Variants in CFTR observed in about 807,000 individuals in gnomAD.
CFTR encodes CF transmembrane conductance regulator, also known as cystic fibrosis transmembrane conductance regulator.
CFTR carries 181 observed loss-of-function variants against 171.6 expected under a neutral mutation model. The ratio of observed to expected loss-of-function variants is 1.05; its 90% CI spans 0.93 to 1.19. CFTR has a LOEUF of 1.19. Ranked by LOEUF, CFTR falls within the 50% of genes most tolerant of loss-of-function variation. CFTR has a pLI of 0.00. For synonymous variants in CFTR, 583 were observed against 608.0 expected, an observed-to-expected ratio of 0.96 and a Z score of 0.60; for missense variants, 1,968 against 1,734.7, an observed-to-expected ratio of 1.13 and a Z score of -2.39.
At chr7:117,603,414 G>A (rs2116060747) in intron 16 of CFTR, 118 bp from the exon 17 acceptor site, 1 of 1,088,160 alleles carries the variant, frequency 9.2e-7, no homozygotes, top group Non-Finnish European at 1.4e-6. Context: ...AAGGGTGCAT[G>A]CTCTTCTAAT....
chr7:117,519,175 G>T lies in CFTR; in HGVS notation c.273+10033G>T, dbSNP rs759951262. Among the ~76,000 whole-genome samples the T allele has an allele frequency of 5.9e-5, 9 of 152,150 alleles. No homozygotes were observed. The Middle Eastern group carries it at 0.014, about 230-fold the overall frequency. On this transcript the variant is annotated intron_variant, in intron 3 of 26. Transcript: ENST00000003084. ...TTTCTGAGATTCTGTTCTAGGTGTGGTATATGTGTATTTTTGCAAAAACTA... is the reference window on the plus strand; with the variant it reads ...TTTCTGAGATTCTGTTCTAGGTGTGTTATATGTGTATTTTTGCAAAAACTA...
chr7:117,515,217 T>C (rs1418648568), intron 3 of CFTR, among the ~76,000 whole-genome samples: 1 of 152,202 alleles, frequency 6.6e-6, no homozygotes, highest in Admixed American at 6.5e-5. Flanking sequence ...CCTCGTGAAG[T>C]CTTTGCCCGT....
chr7:117,480,276 A>C (rs1418970820), intron 1 of CFTR, 129 bp downstream of exon 1: 1 of 838,898 alleles, frequency 1.2e-6, no homozygotes, highest in Non-Finnish European at 2.0e-6. Flanking sequence ...CATTGTTTTG[A>C]AAGAAAATGT....
At chr7:117,579,101 T>A (rs1206504605) in intron 11 of CFTR, among the ~76,000 whole-genome samples, 1 of 152,182 alleles carries the variant, frequency 6.6e-6, no homozygotes, top group East Asian at 1.9e-4. Flanking sequence ...AACTAATAAC[T>A]ATTTGATTCA....
At chr7:117,545,662 T>G (rs1020226292) in intron 9 of CFTR, among the ~76,000 whole-genome samples, 1 of 152,146 alleles carries the variant, frequency 6.6e-6, no homozygotes, top group Non-Finnish European at 1.5e-5. Flanking sequence ...ACATTCCTAT[T>G]AACATATTAG....
chr7:117,617,387 C>T (rs1169688207), intron 21 of CFTR, among the ~76,000 whole-genome samples: 1 of 151,656 alleles, frequency 6.6e-6, no homozygotes, highest in African/African-American at 2.4e-5. Context: ...CGTTAAGTTG[C>T]ATTGTGTTTA....
At chr7:117,519,465 GT>G (rs1639273897) in intron 3 of CFTR, among the ~76,000 whole-genome samples, 1 of 151,892 alleles carries the variant, frequency 6.6e-6, no homozygotes, top group Non-Finnish European at 1.5e-5. Context: ...CCTATGATGG[GT>G]TCTGAGTGTA....
At chr7:117,563,026 T>C (rs1199328286) in intron 11 of CFTR, among the ~76,000 whole-genome samples, 1 of 152,118 alleles carries the variant, frequency 6.6e-6, no homozygotes, top group African/African-American at 2.4e-5. Context: ...ATCAGGGGAA[T>C]GATGTAATCA....
intron 1 of CFTR, among the ~76,000 whole-genome samples, chr7:117,482,861 A>C (rs1798019304): frequency 6.6e-6 from 1 of 152,142 alleles, no homozygotes; most frequent in African/African-American, 2.4e-5. Context: ...ACATAACTTG[A>C]ATTTTCGTCG....
intron 3 of CFTR, among the ~76,000 whole-genome samples, chr7:117,514,052 C>G (rs1798562317): frequency 6.6e-6 from 1 of 152,098 alleles, no homozygotes; most frequent in South Asian, 2.1e-4. Flanking sequence ...AATTATATAG[C>G]CAAAGTTGAG....
chr7:117,651,160 C>T (rs1226741514), intron 23 of CFTR, among the ~76,000 whole-genome samples: 2 of 152,184 alleles, frequency 1.3e-5, no homozygotes, highest in Non-Finnish European at 2.9e-5. Context: ...CTATGTGTCC[C>T]ACCCTTTTGG....
chr7:117,570,181 C>A (rs1791667127), intron 11 of CFTR, among the ~76,000 whole-genome samples: 1 of 149,178 alleles, frequency 6.7e-6, no homozygotes, highest in Non-Finnish European at 1.5e-5. Context: ...TGAAGGTGTC[C>A]ATCTCCTTAC....
In CFTR at chr7:117,540,589, C is replaced by G. The variant is rs188887578; in HGVS notation, c.1116+243C>G. On this transcript the variant is annotated intron_variant, in intron 8 of 26. Coordinates refer to ENST00000003084, the MANE Select transcript of CFTR (RefSeq NM_000492.4). ...AAATTACCTTAAAATCCCAATAATA[C>G]TGATGTAGCTAGCAGCTTTGAGAAA... is the stretch of plus-strand genomic sequence containing the variant. Among the ~76,000 whole-genome samples, 119 of 152,246 alleles carry G rather than the reference C, an allele frequency of 7.8e-4. 1 individual carries two copies. Among genetic ancestry groups the G allele is most frequent in the Middle Eastern group, 3.4e-3 (1 of 294 alleles).
At chr7:117,563,393 A>G (rs1211859218) in intron 11 of CFTR, among the ~76,000 whole-genome samples, 1 of 152,192 alleles carries the variant, frequency 6.6e-6, no homozygotes, top group African/African-American at 2.4e-5. Flanking sequence ...GGAAGAGACA[A>G]GAGTTACATA....
chr7:117,647,686 A>G (rs1220888740), intron 23 of CFTR, among the ~76,000 whole-genome samples: 1 of 151,810 alleles, frequency 6.6e-6, no homozygotes, highest in Non-Finnish European at 1.5e-5. Flanking sequence ...TACCAAAAAA[A>G]AAAAAAAATT....
At chr7:117,663,176 AAGAT>A (rs1044651019) in intron 24 of CFTR, among the ~76,000 whole-genome samples, 4 of 152,202 alleles carry the variant, frequency 2.6e-5, no homozygotes, top group African/African-American at 4.8e-5. Flanking sequence ...TTTTTTAAAA[AAGAT>A]AGACCATAGC....
intron 22 of CFTR, among the ~76,000 whole-genome samples, chr7:117,636,015 C>T (rs1792823011): frequency 6.6e-6 from 1 of 152,048 alleles, no homozygotes; most frequent in Non-Finnish European, 1.5e-5. Context: ...CCTTTTCTCT[C>T]TTCAGCTTCT....
rs572658447 is a variant in CFTR, at chr7:117,589,482, A to G, written c.1680-871A>G. On this transcript the variant is annotated intron_variant, in intron 12 of 26. Coordinates refer to ENST00000003084, the MANE Select transcript of CFTR (RefSeq NM_000492.4). ...TACTTGAGATATAAGTAAGGTTACT[A>G]TCAATCACACCTGAAAAATTTAAAT... Among the ~76,000 whole-genome samples, 939 of 152,142 alleles carry G rather than the reference A, an allele frequency of 6.2e-3. 7 individuals carry two copies. The highest frequency in any genetic ancestry group is 8.2e-3 in the Non-Finnish European group (559 of 67,878).
intron 1 of CFTR, among the ~76,000 whole-genome samples, chr7:117,496,011 A>G (rs1169292465): frequency 2.0e-5 from 3 of 152,294 alleles, no homozygotes; most frequent in Admixed American, 6.5e-5. Flanking sequence ...CTCCATTCCT[A>G]TTAGCAGTCA....
Sources: gnomAD v4.1 joint callset for allele counts (sites outside exome capture counted in the v4.1 genomes callset) on GRCh38, gnomAD v4.1.1 for gene constraint, MANE v1.5 for transcripts, NCBI Gene and HGNC (gene_info 2026-07-23, HGNC 2026-07-21) for gene names.